The following CA6 variants were observed in gnomAD, a reference collection of about 807,000 sequenced individuals.
The protein encoded by CA6 is carbonic anhydrase 6.
In CA6, 28 loss-of-function variants were observed where a neutral mutation model predicts 35.9. The observed-to-expected ratio is 0.78, with a 90% CI of 0.58 to 1.07. The LOEUF (loss-of-function observed/expected upper bound fraction) is 1.07. CA6 is among the 50% of genes least tolerant of loss of function. CA6 has a pLI of 0.00. For synonymous variants in CA6, 148 were observed against 152.6 expected (o/e 0.97, Z 0.22); for missense variants, 377 against 382.0 (o/e 0.99, Z 0.11).
intron 2 of CA6, among the ~76,000 whole-genome samples, chr1:8,956,707 C>T (rs1258352944): frequency 6.6e-6 from 1 of 152,190 alleles, no homozygotes; most frequent in Non-Finnish European, 1.5e-5. Flanking sequence ...AGAGGCCCCA[C>T]TTCCTATTCT....
At chr1:8,973,472 C>T (rs750045674) in intron 7 of CA6, among the ~76,000 whole-genome samples, 12 of 152,196 alleles carry the variant, frequency 7.9e-5, no homozygotes, top group Admixed American at 3.3e-4. Flanking sequence ...CATCTCCTCA[C>T]GAGGGGGTCA....
At chr1:8,955,641 A>ACGCCTCCTTTTAAGGCCCTTCCC (rs1639658086) in intron 2 of CA6, among the ~76,000 whole-genome samples, 1 of 150,294 alleles carries the variant, frequency 6.7e-6, no homozygotes, top group Non-Finnish European at 1.5e-5. Context: ...AGGCCCTTCC[A>ACGCCTCCTTTTAAGGCCCTTCCC]CGCCTCCTTT....
chr1:8,954,261 T>C (rs1639616563), intron 2 of CA6, among the ~76,000 whole-genome samples: 2 of 151,552 alleles, frequency 1.3e-5, no homozygotes, highest in African/African-American at 2.4e-5. Flanking sequence ...TGCCTCCTGG[T>C]TCAAGTGATT....
At chr1:8,962,253 C>T (rs1234306840) in intron 4 of CA6, among the ~76,000 whole-genome samples, 2 of 141,638 alleles carry the variant, frequency 1.4e-5, no homozygotes, top group African/African-American at 5.6e-5. Flanking sequence ...AAAAAAAAAA[C>T]TCACAAACAA....
chr1:8,972,965 C>A (rs1393003332), intron 7 of CA6, among the ~76,000 whole-genome samples: 1 of 152,154 alleles, frequency 6.6e-6, no homozygotes, highest in African/African-American at 2.4e-5. Context: ...GTGATGTCGT[C>A]TTTAACAGGT....
chr1:8,961,288 A>G (rs1639837457), intron 4 of CA6, among the ~76,000 whole-genome samples: 1 of 152,222 alleles, frequency 6.6e-6, no homozygotes, highest in South Asian at 2.1e-4. Context: ...AGAATAGAAA[A>G]GACTACATAC....
intron 2 of CA6, chr1:8,951,388 C>T (rs1190307565): frequency 1.3e-6 from 1 of 744,834 alleles, no homozygotes; most frequent in South Asian, 1.4e-5. Context: ...TAATGTCGAG[C>T]TCTTGTTTCC....
chr1:8,974,444 A>G, intron 7 of CA6, 178 bp from the exon 8 acceptor site: 2 of 1,526,128 alleles, frequency 1.3e-6, no homozygotes, highest in Non-Finnish European at 1.7e-6. Flanking sequence ...TAGAAGCCTG[A>G]GTTCAAACAC....
intron 2 of CA6, chr1:8,951,886 C>CT (rs1639546932): frequency 4.5e-6 from 1 of 224,388 alleles, no homozygotes; most frequent in Non-Finnish European, 8.4e-6. Context: ...GTGGTGCAAT[C>CT]TTGGCTCACT....
intron 5 of CA6, among the ~76,000 whole-genome samples, chr1:8,964,333 C>T (rs989687105): frequency 9.2e-5 from 14 of 152,148 alleles, no homozygotes; most frequent in African/African-American, 3.1e-4. Flanking sequence ...CTACAACCTC[C>T]GCCTCCCGGG....
chr1:8,949,219 G>A, intron 1 of CA6, 44 bp from the exon 2 acceptor site: 4 of 1,480,310 alleles, frequency 2.7e-6, no homozygotes, highest in Non-Finnish European at 3.6e-6. Context: ...CTCCAGAGTG[G>A]GCGCAGCCAG....
chr1:8,966,995 C>G (rs202021891), intron 5 of CA6, among the ~76,000 whole-genome samples: 1 of 134,926 alleles, frequency 7.4e-6, no homozygotes, highest in South Asian at 2.4e-4. Flanking sequence ...ATAAAAAAAA[C>G]AACTTATTGT....
chr1:8,963,382 C>G lies in CA6; in HGVS notation c.571+726C>G, dbSNP rs1639894160. Reference sequence around the variant, plus strand: ...TCAAGTCTCCCTCAACACTCCCATGCAAACACCCTCTAGCCCTCACCCCTC... The same window carrying G: ...TCAAGTCTCCCTCAACACTCCCATGGAAACACCCTCTAGCCCTCACCCCTC... On this transcript the variant is annotated intron_variant, in intron 5 of 7. Transcript: ENST00000377443. The surrounding 1 kb of genome is among the most constrained non-coding windows in gnomAD (Gnocchi z 4.1). Among the ~76,000 whole-genome samples, 1 of 152,128 alleles carries G rather than the reference C, an allele frequency of 6.6e-6. No individual in the cohort carries two copies. The highest frequency in any genetic ancestry group is 2.4e-5 in the African/African-American group (1 of 41,426).
At chr1:8,964,398 C>A (rs58486928) in intron 5 of CA6, among the ~76,000 whole-genome samples, 37,533 of 151,826 alleles carry the variant, frequency 0.25, 4,975 homozygotes, top group African/African-American at 0.32. Flanking sequence ...CAGGCACACA[C>A]CACCATGCCT....
At chr1:8,967,595 A>G in intron 5 of CA6, 64 bp from the exon 6 acceptor site, 1 of 1,420,520 alleles carries the variant, frequency 7.0e-7, no homozygotes, top group Non-Finnish European at 9.8e-7. Flanking sequence ...CCTGGGCCTG[A>G]GCTGTCCTCC....
intron 2 of CA6, chr1:8,952,493 T>TGCCATTGGCTAC (rs1639566279): frequency 3.9e-5 from 6 of 152,130 alleles, no homozygotes; most frequent in African/African-American, 1.4e-4. Context: ...TATTTGGCTA[T>TGCCATTGGCTAC]TGCCATTGGC....
At chr1:8,971,268 A>G (rs1044169956) in intron 7 of CA6, among the ~76,000 whole-genome samples, 2 of 151,568 alleles carry the variant, frequency 1.3e-5, no homozygotes, top group Non-Finnish European at 2.9e-5. Context: ...CAAGAAGACC[A>G]CAACATCCGG....
At chr1:8,946,914 A>T (rs1223866241) in intron 1 of CA6, among the ~76,000 whole-genome samples, 1 of 146,328 alleles carries the variant, frequency 6.8e-6, no homozygotes, top group African/African-American at 2.6e-5. Context: ...AGCGATTCTC[A>T]TGTCTTAGCC....
chr1:8,958,373 G>T (rs1405904631), intron 3 of CA6, among the ~76,000 whole-genome samples: 1 of 152,002 alleles, frequency 6.6e-6, no homozygotes, highest in Non-Finnish European at 1.5e-5. Context: ...TCGCCATGTT[G>T]GTCAGGCTGG....
Sources: gnomAD v4.1 joint callset for allele counts (sites outside exome capture counted in the v4.1 genomes callset) on GRCh38, gnomAD v4.1.1 for gene constraint, Gnocchi (gnomAD v3.1) non-coding constraint, MANE v1.5 for transcripts, NCBI Gene and HGNC (gene_info 2026-07-23, HGNC 2026-07-21) for gene names.